MLLT3: variants seen among roughly 807,000 people sequenced by gnomAD.
The protein encoded by MLLT3 is MLLT3 super elongation complex subunit, also known as protein AF-9.
Under a neutral mutation model 53.2 loss-of-function variants are expected in MLLT3, and 4 were observed. The ratio of observed to expected loss-of-function variants is 0.08; its 90% CI spans 0.04 to 0.17. The LOEUF (loss-of-function observed/expected upper bound fraction) is 0.17, where lower values mean the gene tolerates loss of function less well. Among genes scored for constraint, MLLT3 ranks in the 10% least tolerant of loss-of-function variants. The pLI is 1.00. For missense variants in MLLT3, 569 were observed against 684.0 expected, an observed-to-expected ratio of 0.83 and a Z score of 1.87; for synonymous variants, 283 against 230.6, an observed-to-expected ratio of 1.23 and a Z score of -2.06.
chr9:20,367,712 G>C (rs560129956), intron 5 of MLLT3, among the ~76,000 whole-genome samples: 2 of 152,040 alleles, frequency 1.3e-5, no homozygotes, highest in Non-Finnish European at 2.9e-5. Flanking sequence ...ATATATTTGA[G>C]AATATTTGTG....
At chr9:20,381,560 A>G (rs571031200) in intron 5 of MLLT3, among the ~76,000 whole-genome samples, 1 of 151,962 alleles carries the variant, frequency 6.6e-6, no homozygotes, top group Admixed American at 6.6e-5. Context: ...TCTAAATGCC[A>G]TTCAGTCATA....
intron 2 of MLLT3, among the ~76,000 whole-genome samples, chr9:20,463,399 G>C (rs1824160895): frequency 6.6e-6 from 1 of 152,018 alleles, no homozygotes. Flanking sequence ...ATTTCATCTT[G>C]AGGGAATATA....
chr9:20,540,482 C>T (rs1024757616), intron 2 of MLLT3, among the ~76,000 whole-genome samples: 31 of 152,344 alleles, frequency 2.0e-4, no homozygotes, highest in Admixed American at 1.4e-3. Context: ...TCCAACACCA[C>T]GTGGAAGTCA....
chr9:20,600,508 T>C (rs1001431976), intron 2 of MLLT3, among the ~76,000 whole-genome samples: 53 of 152,344 alleles, frequency 3.5e-4, no homozygotes, highest in African/African-American at 1.2e-3. Context: ...TCTTTTCCCA[T>C]CTGAGTGTTC....
At chr9:20,544,045 A>C (rs1311278469) in intron 2 of MLLT3, among the ~76,000 whole-genome samples, 1 of 152,238 alleles carries the variant, frequency 6.6e-6, no homozygotes, top group Non-Finnish European at 1.5e-5. Flanking sequence ...ACCCAGAAGT[A>C]AAGTCTTATA....
chr9:20,467,936 C>G (rs867891045), intron 2 of MLLT3, among the ~76,000 whole-genome samples: 37 of 152,098 alleles, frequency 2.4e-4, no homozygotes, highest in African/African-American at 8.9e-4. Context: ...TAGCAACAGG[C>G]AGCATTTTGC....
At chr9:20,507,090 G>T (rs1007790077) in intron 2 of MLLT3, among the ~76,000 whole-genome samples, 1 of 152,206 alleles carries the variant, frequency 6.6e-6, no homozygotes, top group African/African-American at 2.4e-5. Context: ...TAATGCGAAA[G>T]TGAGTAGTAA....
intron 2 of MLLT3, among the ~76,000 whole-genome samples, chr9:20,483,725 C>CA (rs1195217917): frequency 1.1e-4 from 9 of 84,294 alleles, no homozygotes; most frequent in Non-Finnish European, 6.4e-5. Flanking sequence ...TTTTTTTTTC[C>CA]GAGATGGAGT....
intron 2 of MLLT3, among the ~76,000 whole-genome samples, chr9:20,555,219 A>T (rs1245517286): frequency 6.6e-6 from 1 of 152,028 alleles, no homozygotes; most frequent in Admixed American, 6.6e-5. Flanking sequence ...CTTACACTGG[A>T]TTCTCTGGTT....
intron 2 of MLLT3, among the ~76,000 whole-genome samples, chr9:20,586,342 G>A (rs1297325689): frequency 6.6e-6 from 1 of 151,074 alleles, no homozygotes; most frequent in Non-Finnish European, 1.5e-5. Flanking sequence ...AAGTAATATG[G>A]ATGGGTATGG....
At chr9:20,484,041 T>C (rs1273455488) in intron 2 of MLLT3, among the ~76,000 whole-genome samples, 1 of 152,076 alleles carries the variant, frequency 6.6e-6, no homozygotes, top group Non-Finnish European at 1.5e-5. Flanking sequence ...CATAGATTAG[T>C]AGATATATTC....
At position 20,342,399 on chromosome 9, in the gene MLLT3, T is replaced by C; in HGVS notation, c.*4044A>G. The C allele has an allele frequency of 4.5e-6, 1 of 222,976 alleles. No individual in the cohort carries two copies. Among genetic ancestry groups the C allele is most frequent in the Non-Finnish European group, 9.0e-6 (1 of 111,698 alleles). The allele number at this position is 222,976 out of a possible 1,614,324, so 13.8% of individuals were successfully genotyped here. Reference sequence around the variant, plus strand: ...AGTCCATTAAAAAGATACTGACAGATTTATAAAATGTATTGGCCTTGCACT... The same window carrying C: ...AGTCCATTAAAAAGATACTGACAGACTTATAAAATGTATTGGCCTTGCACT... On this transcript the variant is annotated 3_prime_UTR_variant, in exon 11 of 11. Coordinates refer to ENST00000380338, the MANE Select transcript of MLLT3 (RefSeq NM_004529.4).
chr9:20,408,870 G>GT lies in MLLT3; in HGVS notation c.1125+4850dup, dbSNP rs957551338. On this transcript the variant is annotated intron_variant, in intron 5 of 10. Coordinates refer to ENST00000380338, the MANE Select transcript of MLLT3 (RefSeq NM_004529.4). ...AATGAGAAACAACAAAAGAAGGGAA[G>GT]TTTTTTTTTTCCTTCTTTCTTTTTG... Among the ~76,000 whole-genome samples the GT allele has an allele frequency of 1.2e-3, 185 of 149,750 alleles. 2 individuals carry two copies. Among genetic ancestry groups the GT allele is most frequent in the African/African-American group, 3.5e-3 (145 of 40,888 alleles).
chr9:20,514,177 A>G (rs1278627008), intron 2 of MLLT3, among the ~76,000 whole-genome samples: 1 of 152,166 alleles, frequency 6.6e-6, no homozygotes, highest in Non-Finnish European at 1.5e-5. Context: ...AGGGGTGTAC[A>G]TTTGAGTGGA....
chr9:20,370,944 TGAATG>T (rs1235805234), intron 5 of MLLT3, among the ~76,000 whole-genome samples: 1 of 152,180 alleles, frequency 6.6e-6, no homozygotes, highest in Admixed American at 6.5e-5. Flanking sequence ...GAAAAGTTCT[TGAATG>T]GAATTAAAAG....
At chr9:20,387,664 C>T (rs956741041) in intron 5 of MLLT3, among the ~76,000 whole-genome samples, 1 of 152,040 alleles carries the variant, frequency 6.6e-6, no homozygotes, top group African/African-American at 2.4e-5. Context: ...GTTTTCATGC[C>T]AATTATATTG....
chr9:20,440,018 A>G (rs1210576590), intron 4 of MLLT3, among the ~76,000 whole-genome samples: 4 of 152,288 alleles, frequency 2.6e-5, no homozygotes, highest in Non-Finnish European at 4.4e-5. Context: ...ACCATTCCAG[A>G]TAACAGAAAA....
intron 5 of MLLT3, among the ~76,000 whole-genome samples, chr9:20,394,182 CACAG>C (rs1822261607): frequency 1.3e-5 from 2 of 152,072 alleles, no homozygotes; most frequent in Non-Finnish European, 2.9e-5. Context: ...AGACACCAAA[CACAG>C]ACACCCAAAG....
At chr9:20,546,746 T>A (rs1008238846) in intron 2 of MLLT3, among the ~76,000 whole-genome samples, 2 of 152,226 alleles carry the variant, frequency 1.3e-5, no homozygotes, top group Non-Finnish European at 2.9e-5. Context: ...TCCAAGTCTT[T>A]ACCCTCTCTC....
Sources: gnomAD v4.1 joint callset for allele counts (sites outside exome capture counted in the v4.1 genomes callset) on GRCh38, gnomAD v4.1.1 for gene constraint, MANE v1.5 for transcripts, NCBI Gene and HGNC (gene_info 2026-07-23, HGNC 2026-07-21) for gene names.